PTPRM: variants seen among roughly 807,000 people sequenced by gnomAD.
PTPRM encodes receptor-type tyrosine-protein phosphatase mu.
Under a neutral mutation model 186.7 loss-of-function variants are expected in PTPRM, and 47 were observed. That is an observed-to-expected ratio of 0.25 (90% CI 0.20 to 0.32). The LOEUF (loss-of-function observed/expected upper bound fraction) is 0.32, where lower values mean the gene tolerates loss of function less well. PTPRM is among the 10% of genes least tolerant of loss of function. The pLI, the probability that PTPRM is intolerant of heterozygous loss-of-function variation, is 1.00. For missense variants in PTPRM, 1,494 were observed against 1,865.0 expected, an observed-to-expected ratio of 0.80 and a Z score of 3.66; for synonymous variants, 668 against 674.9, an observed-to-expected ratio of 0.99 and a Z score of 0.16.
intron 14 of PTPRM, among the ~76,000 whole-genome samples, chr18:8,219,788 T>A (rs1257493977): frequency 2.0e-5 from 3 of 152,178 alleles, no homozygotes; most frequent in African/African-American, 7.2e-5. Flanking sequence ...AAGATAAGCA[T>A]GCTATGTCAG....
chr18:8,207,978 C>T (rs1297602135), intron 14 of PTPRM, among the ~76,000 whole-genome samples: 8 of 152,236 alleles, frequency 5.3e-5, no homozygotes, highest in Admixed American at 1.3e-4. Flanking sequence ...TCAGAAATTA[C>T]GTGCCATATT....
At chr18:8,240,500 A>AAGGAAGGAAGGAAGGAG (rs2094406098) in intron 14 of PTPRM, among the ~76,000 whole-genome samples, 1 of 8,124 alleles carries the variant, frequency 1.2e-4, no homozygotes, top group Non-Finnish European at 2.3e-4. Flanking sequence ...AGAGAGAGAG[A>AAGGAAGGAAGGAAGGAG]GGAAGGAAGG....
At chr18:7,693,766 A>G (rs1183902802) in intron 1 of PTPRM, among the ~76,000 whole-genome samples, 1 of 152,162 alleles carries the variant, frequency 6.6e-6, no homozygotes, top group Non-Finnish European at 1.5e-5. Context: ...CTGGGAAGAC[A>G]TCATGGAGGA....
chr18:8,091,472 T>C (rs2090721873), intron 11 of PTPRM, among the ~76,000 whole-genome samples: 1 of 152,164 alleles, frequency 6.6e-6, no homozygotes, highest in South Asian at 2.1e-4. Flanking sequence ...GTAAGCATTA[T>C]GGGGAAACCT....
intron 1 of PTPRM, among the ~76,000 whole-genome samples, chr18:7,631,713 ATTC>A (rs1048015472): frequency 3.9e-5 from 6 of 152,174 alleles, no homozygotes; most frequent in African/African-American, 1.4e-4. Context: ...CAAGACAATT[ATTC>A]TTCTTCCAGT....
intron 23 of PTPRM, among the ~76,000 whole-genome samples, chr18:8,352,926 T>A (rs1233590286): frequency 1.3e-5 from 2 of 152,170 alleles, no homozygotes; most frequent in Non-Finnish European, 2.9e-5. Context: ...TGCCTTGGCC[T>A]CCCAAAGTGC....
At chr18:7,723,821 C>A (rs1288477020) in intron 1 of PTPRM, among the ~76,000 whole-genome samples, 1 of 152,280 alleles carries the variant, frequency 6.6e-6, no homozygotes. Context: ...GCCTTTTCCT[C>A]CTGTGTTACC....
chr18:8,325,810 G>T (rs146966362), intron 22 of PTPRM, among the ~76,000 whole-genome samples: 1 of 152,076 alleles, frequency 6.6e-6, no homozygotes, highest in Non-Finnish European at 1.5e-5. Context: ...CTCTATAAGC[G>T]TTCCATCTTC....
At chr18:7,890,516 TG>T (rs1400106876) in intron 3 of PTPRM, among the ~76,000 whole-genome samples, 1 of 151,068 alleles carries the variant, frequency 6.6e-6, no homozygotes, top group Non-Finnish European at 1.5e-5. Context: ...GTAAATGTGT[TG>T]TTTTTTTTTA....
In PTPRM at chr18:8,037,918, T is replaced by C. The variant is rs115458075; in HGVS notation, c.1133-31768T>C. ...ATGTTTATCTAATAATTTTGGTGTTTTCCTCCTCTTTATGTGTCACTCTTT... is the reference window on the plus strand; with the variant it reads ...ATGTTTATCTAATAATTTTGGTGTTCTCCTCCTCTTTATGTGTCACTCTTT... On this transcript the variant is annotated intron_variant, in intron 7 of 32. Coordinates refer to ENST00000580170, the MANE Select transcript of PTPRM (RefSeq NM_001105244.2). 4.7e-3 allele frequency among the ~76,000 whole-genome samples: 714 copies of C among 152,290 alleles called. 6 individuals are homozygous for C. The highest frequency in any genetic ancestry group is 0.016 in the African/African-American group (676 of 41,560).
chr18:8,113,838 A>T lies in PTPRM; in HGVS notation c.2130+79A>T, dbSNP rs577509627. 1.4e-5 allele frequency: 19 copies of T among 1,320,750 alleles called. No homozygotes were observed. In the African/African-American group the frequency reaches 1.9e-4, roughly 13 times the overall value. The allele number at this position is 1,320,750 out of a possible 1,614,324, so 81.8% of individuals were successfully genotyped here. ...CATAGATTAAGTAAAATAGTAGTAA[A>T]ATGGAAGTCATGCTTTTCTGCATTT... On this transcript the variant is annotated intron_variant, in intron 12 of 32. Transcript: ENST00000580170.
intron 1 of PTPRM, among the ~76,000 whole-genome samples, chr18:7,630,528 C>G (rs1234308944): frequency 1.3e-5 from 2 of 152,084 alleles, no homozygotes; most frequent in African/African-American, 4.8e-5. Flanking sequence ...AGACCTAGGA[C>G]AGTCACTTAC....
At chr18:8,189,187 C>G (rs1251453919) in intron 14 of PTPRM, among the ~76,000 whole-genome samples, 1 of 151,164 alleles carries the variant, frequency 6.6e-6, no homozygotes, top group Non-Finnish European at 1.5e-5. Flanking sequence ...GTCCCAGCTA[C>G]TCAGGAGGCT....
chr18:8,160,858 CAGAA>C (rs1268331960), intron 14 of PTPRM, among the ~76,000 whole-genome samples: 1 of 152,124 alleles, frequency 6.6e-6, no homozygotes, highest in African/African-American at 2.4e-5. Context: ...TTCCCATTGC[CAGAA>C]AGAAAGCATT....
At chr18:8,178,557 G>A (rs937164691) in intron 14 of PTPRM, among the ~76,000 whole-genome samples, 15 of 152,134 alleles carry the variant, frequency 9.9e-5, no homozygotes, top group Non-Finnish European at 1.9e-4. Context: ...GCCGAGGCAG[G>A]TGGATGAACT....
rs1443838770 is a variant in PTPRM at position 8,373,884 on chromosome 18, C to CG, written c.3172-2160dup. Among the ~76,000 whole-genome samples the CG allele has an allele frequency of 3.6e-3, 508 of 141,810 alleles. 3 individuals carry two copies. The highest frequency in any genetic ancestry group is 0.013 in the African/African-American group (481 of 37,976). The allele number at this position is 141,810 out of a possible 152,430, so 93.0% of individuals were successfully genotyped here. A position where few individuals can be genotyped will look rare whatever the true frequency, so the allele number is the denominator to read the frequency against. On this transcript the variant is annotated intron_variant, in intron 24 of 32. Transcript: ENST00000580170. ...TGGGCAACAGAATGAGACCCTGTCT[C>CG]GGAAAAAAAAAAAAAAAATTAAGTG...
chr18:8,084,888 T>G (rs756899797), intron 9 of PTPRM, among the ~76,000 whole-genome samples: 16 of 152,246 alleles, frequency 1.1e-4, no homozygotes, highest in Non-Finnish European at 2.2e-4. Flanking sequence ...TTCAAACACT[T>G]CAGACTCATC....
chr18:8,367,487 C>G (rs571090865), intron 23 of PTPRM, among the ~76,000 whole-genome samples: 2 of 152,368 alleles, frequency 1.3e-5, no homozygotes, highest in Non-Finnish European at 2.9e-5. Flanking sequence ...ATTGTTCCCT[C>G]GCTTCGCTGG....
chr18:8,073,626 G>A (rs2089624020), intron 8 of PTPRM, among the ~76,000 whole-genome samples: 1 of 152,120 alleles, frequency 6.6e-6, no homozygotes, highest in East Asian at 1.9e-4. Context: ...AACTTGGCTG[G>A]GTATAGTAAC....
Sources: allele counts gnomAD v4.1 joint callset (sites outside exome capture counted in the v4.1 genomes callset), GRCh38; gene constraint gnomAD v4.1.1; transcripts MANE v1.5; gene names NCBI Gene and HGNC (gene_info 2026-07-23, HGNC 2026-07-21).